IL12RB2: variants seen among roughly 807,000 people sequenced by gnomAD.
IL12RB2 encodes the protein interleukin 12 receptor subunit beta 2, also known as interleukin-12 receptor subunit beta-2.
In IL12RB2, 82 loss-of-function variants were observed where a neutral mutation model predicts 89.4. The observed-to-expected ratio is 0.92, with a 90% confidence interval of 0.77 to 1.10. The LOEUF is 1.10. Ranked by LOEUF, IL12RB2 falls within the 50% of genes least tolerant of loss-of-function variation. The pLI is 0.00. For missense variants in IL12RB2, 963 were observed against 1,031.9 expected (o/e 0.93, Z 0.92); for synonymous variants, 368 against 370.1 (o/e 0.99, Z 0.07).
chr1:67,346,903 C>T (rs540909555), intron 9 of IL12RB2, among the ~76,000 whole-genome samples: 2 of 152,086 alleles, frequency 1.3e-5, no homozygotes, highest in East Asian at 3.8e-4. Context: ...AGTGTATTAG[C>T]AAAACTGACA....
rs1661123771 is a variant in IL12RB2, at chr1:67,354,089, A to G, written c.1258+3000A>G. Among the ~76,000 whole-genome samples, 3 of 152,214 alleles carry G rather than the reference A, an allele frequency of 2.0e-5. No homozygotes were observed. The South Asian group carries it at 6.2e-4, about 32-fold the overall frequency. ...TTAGCCAAGGGGGAGGGTCAGACAT[A>G]TGAGCAAGTAAAGTGCAGTACAGTA... On this transcript the variant is annotated intron_variant, in intron 10 of 16. Coordinates refer to ENST00000674203, the MANE Select transcript of IL12RB2 (RefSeq NM_001374259.2).
intron 10 of IL12RB2, among the ~76,000 whole-genome samples, chr1:67,351,683 A>C (rs1348830922): frequency 2.6e-5 from 4 of 152,184 alleles, no homozygotes; most frequent in African/African-American, 7.2e-5. Flanking sequence ...ATTCTGACTA[A>C]TGAAACTATA....
At chr1:67,318,376 T>G (rs961390496) in intron 2 of IL12RB2, among the ~76,000 whole-genome samples, 2 of 152,164 alleles carry the variant, frequency 1.3e-5, no homozygotes, top group Non-Finnish European at 2.9e-5. Context: ...TTTATGTTTT[T>G]CAAAGATAGT....
At chr1:67,393,468 G>T (rs543936960) in intron 16 of IL12RB2, among the ~76,000 whole-genome samples, 10 of 152,348 alleles carry the variant, frequency 6.6e-5, no homozygotes, top group African/African-American at 2.4e-4. Flanking sequence ...TTTCCGCACA[G>T]GGTGTAATCT....
chr1:67,365,315 A>C (rs995665051), intron 10 of IL12RB2, among the ~76,000 whole-genome samples: 5 of 152,136 alleles, frequency 3.3e-5, no homozygotes, highest in Admixed American at 6.5e-5. Flanking sequence ...GAAATTCAAA[A>C]CTGGAATAAA....
intron 1 of IL12RB2, among the ~76,000 whole-genome samples, chr1:67,312,459 A>G (rs934520211): frequency 6.6e-6 from 1 of 152,194 alleles, no homozygotes; most frequent in African/African-American, 2.4e-5. Flanking sequence ...TGCTTGTTCA[A>G]TCTATAGGAT....
At chr1:67,371,252 C>G (rs1663268653) in intron 11 of IL12RB2, among the ~76,000 whole-genome samples, 1 of 152,194 alleles carries the variant, frequency 6.6e-6, no homozygotes, top group Admixed American at 6.5e-5. Context: ...GGAATTTACC[C>G]ATGGCATGTG....
At chr1:67,386,504 C>T (rs1046187305) in intron 14 of IL12RB2, 75 bp from the exon 15 acceptor site, 22 of 975,338 alleles carry the variant, frequency 2.3e-5, no homozygotes, top group Non-Finnish European at 3.3e-5. Context: ...GCCCAGAGGG[C>T]GCATACACCA....
Position 67,397,703 on chromosome 1 carries a change from C to T in IL12RB2, c.*1614C>T, listed in dbSNP as rs898257359. 6.6e-6 allele frequency among the ~76,000 whole-genome samples: 1 copy of T among 152,176 alleles called. No individual in the cohort carries two copies. The highest frequency in any genetic ancestry group is 1.5e-5 in the Non-Finnish European group (1 of 68,036). The stretch of plus-strand genomic sequence containing the variant: ...GTCTAAACTGCTAATAATGCTCTTC[C>T]CTAAAGAACAGGATAAAAGATCCAA... On this transcript the variant is annotated 3_prime_UTR_variant, in exon 17 of 17. Coordinates refer to ENST00000674203, the MANE Select transcript of IL12RB2 (RefSeq NM_001374259.2).
At chr1:67,334,520 C>T (rs1029905200) in intron 8 of IL12RB2, among the ~76,000 whole-genome samples, 3 of 152,176 alleles carry the variant, frequency 2.0e-5, no homozygotes, top group African/African-American at 7.2e-5. Flanking sequence ...GCTCTGTCAC[C>T]CATGCTGGAG....
At chr1:67,393,991 T>C (rs1666099902) in intron 16 of IL12RB2, among the ~76,000 whole-genome samples, 1 of 152,114 alleles carries the variant, frequency 6.6e-6, no homozygotes, top group African/African-American at 2.4e-5. Flanking sequence ...GTTTCTTCAC[T>C]GAACAGGCAT....
intron 10 of IL12RB2, 115 bp downstream of exon 10, chr1:67,351,204 G>C: frequency 6.5e-7 from 1 of 1,538,386 alleles, no homozygotes; most frequent in South Asian, 1.2e-5. Flanking sequence ...TCAGGCTTTG[G>C]AGTCAACAGC....
intron 16 of IL12RB2, among the ~76,000 whole-genome samples, chr1:67,392,376 A>C (rs892624288): frequency 1.3e-5 from 2 of 152,070 alleles, no homozygotes; most frequent in Non-Finnish European, 2.9e-5. Context: ...TATGTGCCTA[A>C]AGATCTACAA....
rs543466877 is a variant in IL12RB2 at position 67,378,541 on chromosome 1, C to A, written c.1718-1445C>A. Reference sequence around the variant, plus strand: ...CCTAGAGCCTACAAATGGAAAAGTGCAAAATCAAAGTTTAAAAATGTTAAG... The same window carrying A: ...CCTAGAGCCTACAAATGGAAAAGTGAAAAATCAAAGTTTAAAAATGTTAAG... On this transcript the variant is annotated intron_variant, in intron 13 of 16. Coordinates refer to ENST00000674203, the MANE Select transcript of IL12RB2 (RefSeq NM_001374259.2). Among the ~76,000 whole-genome samples the A allele has an allele frequency of 2.6e-5, 4 of 152,204 alleles. No homozygotes were observed. In the East Asian group the frequency reaches 7.7e-4, roughly 29 times the overall value.
At chr1:67,366,342 T>C (rs1324906001) in intron 10 of IL12RB2, among the ~76,000 whole-genome samples, 1 of 150,448 alleles carries the variant, frequency 6.6e-6, no homozygotes, top group Non-Finnish European at 1.5e-5. Context: ...TCCCAGCTAC[T>C]CGGGAGGCTG....
chr1:67,330,278 A>ATTTT (rs771296432), intron 7 of IL12RB2, among the ~76,000 whole-genome samples: 6 of 109,360 alleles, frequency 5.5e-5, no homozygotes, highest in Middle Eastern at 4.5e-3. Context: ...TTTTTTAAAA[A>ATTTT]AAAAAAAAGC....
At chr1:67,367,786 CTTTT>C (rs1324601645) in intron 10 of IL12RB2, 35 bp from the exon 11 acceptor site, 2 of 1,173,504 alleles carry the variant, frequency 1.7e-6, no homozygotes, top group African/African-American at 3.0e-5. Context: ...TATCCCTCCT[CTTTT>C]TTTATTTTGT....
chr1:67,349,467 A>T (rs188816463), intron 9 of IL12RB2, among the ~76,000 whole-genome samples: 1 of 152,302 alleles, frequency 6.6e-6, no homozygotes, highest in East Asian at 1.9e-4. Context: ...ATTTAATAAT[A>T]ACAGTTTAGA....
chr1:67,379,509 C>CAAAAAAAAAAAAAAAAAAAAAA, intron 13 of IL12RB2, among the ~76,000 whole-genome samples: 1 of 68,492 alleles, frequency 1.5e-5, no homozygotes, highest in Non-Finnish European at 2.6e-5. Context: ...GAACCTGTCT[C>CAAAAAAAAAAAAAAAAAAAAAA]AAAAAAAAAA....
Sources: gnomAD v4.1 joint callset for allele counts (sites outside exome capture counted in the v4.1 genomes callset) on GRCh38, gnomAD v4.1.1 for gene constraint, MANE v1.5 for transcripts, NCBI Gene and HGNC (gene_info 2026-07-23, HGNC 2026-07-21) for gene names.